ZNF521: variants seen among roughly 807,000 people sequenced by gnomAD.
ZNF521 encodes zinc finger protein 521, also known as LYST-interacting protein 3.
A neutral mutation model predicts 105.5 loss-of-function variants in ZNF521; 14 were observed. The ratio of observed to expected loss-of-function variants is 0.13; its 90% CI spans 0.09 to 0.21. The LOEUF (loss-of-function observed/expected upper bound fraction) is 0.21. Among genes scored for constraint, ZNF521 ranks in the 10% least tolerant of loss-of-function variants. The pLI, the probability that ZNF521 is intolerant of heterozygous loss-of-function variation, is 1.00. For missense variants in ZNF521, 1,233 were observed against 1,629.7 expected, an observed-to-expected ratio of 0.76 and a Z score of 4.19; for synonymous variants, 635 against 606.0, an observed-to-expected ratio of 1.05 and a Z score of -0.70.
intron 4 of ZNF521, among the ~76,000 whole-genome samples, chr18:25,206,369 A>G (rs936435906): frequency 2.0e-5 from 3 of 152,126 alleles, no homozygotes; most frequent in African/African-American, 7.2e-5. Flanking sequence ...TAATATGTAA[A>G]TGACTCATAC....
chr18:25,226,028 G>A lies in ZNF521; in HGVS notation c.1890C>T (p.Pro630=), dbSNP rs755855933. 5.6e-6 allele frequency: 9 copies of A among 1,614,182 alleles called. No individual in the cohort carries two copies. Among genetic ancestry groups the A allele is most frequent in the Admixed American group, 1.7e-5 (1 of 60,032 alleles). Residue 630 remains proline (P), a synonymous_variant, in exon 4 of 8, where the codon CCC becomes CCT. Coordinates refer to ENST00000361524, the MANE Select transcript of ZNF521 (RefSeq NM_015461.3). This position sits in a 1 kb window ranked among gnomAD's most constrained non-coding sequence, Gnocchi z 4.1. ...MQAVGGAPAR[P]TGEYICNQCG... ...ATTGATTACAGATATATTCTCCAGT[G>A]GGACGTGCAGGTGCACCTCCTACTG...
chr18:25,333,314 C>CTCTCTATATA (rs572058933), intron 2 of ZNF521, among the ~76,000 whole-genome samples: 5 of 145,716 alleles, frequency 3.4e-5, no homozygotes, highest in South Asian at 2.2e-4. Flanking sequence ...CTCTCTCTCT[C>CTCTCTATATA]TATATATATA....
At chr18:25,121,987 T>C (rs2034452768) in intron 5 of ZNF521, among the ~76,000 whole-genome samples, 1 of 151,690 alleles carries the variant, frequency 6.6e-6, no homozygotes, top group South Asian at 2.1e-4. Flanking sequence ...AAAAAATCAA[T>C]CAATATTAAC....
intron 3 of ZNF521, among the ~76,000 whole-genome samples, chr18:25,275,853 A>G (rs565148057): frequency 1.3e-5 from 2 of 152,278 alleles, no homozygotes; most frequent in South Asian, 4.1e-4. Context: ...CATGAGCACC[A>G]GCATACGCAG....
At chr18:25,178,050 T>C (rs762560805) in intron 5 of ZNF521, among the ~76,000 whole-genome samples, 3 of 152,206 alleles carry the variant, frequency 2.0e-5, no homozygotes, top group Non-Finnish European at 2.9e-5. Context: ...ATCTAATAAA[T>C]TATCTCTGTG....
chr18:25,222,924 T>G (rs1905830103), intron 4 of ZNF521, among the ~76,000 whole-genome samples: 1 of 152,128 alleles, frequency 6.6e-6, no homozygotes, highest in Non-Finnish European at 1.5e-5. Flanking sequence ...GTGGCTGAAG[T>G]TGATTTTAAA....
intron 7 of ZNF521, among the ~76,000 whole-genome samples, chr18:25,065,178 T>C (rs2033022436): frequency 6.6e-6 from 1 of 152,200 alleles, no homozygotes; most frequent in Non-Finnish European, 1.5e-5. Flanking sequence ...AGGTTTTTTA[T>C]TTTTAAAAAG....
intron 5 of ZNF521, among the ~76,000 whole-genome samples, chr18:25,095,042 G>C (rs979564556): frequency 1.1e-4 from 16 of 152,232 alleles, no homozygotes; most frequent in Admixed American, 9.8e-4. Flanking sequence ...ATGGCTGAGA[G>C]CCATGTCTGA....
intron 3 of ZNF521, among the ~76,000 whole-genome samples, chr18:25,278,496 G>A (rs543065471): frequency 2.4e-4 from 37 of 152,176 alleles, no homozygotes; most frequent in African/African-American, 7.2e-4. Flanking sequence ...CCCATGCCTC[G>A]AACAGCCGCC....
chr18:25,197,546 C>T (rs368226622), intron 4 of ZNF521, among the ~76,000 whole-genome samples: 1 of 151,810 alleles, frequency 6.6e-6, no homozygotes. Flanking sequence ...CACCTGTACA[C>T]CATCTTTAAG....
chr18:25,113,761 G>GACACACACACACACACACAC (rs10667710), intron 5 of ZNF521, among the ~76,000 whole-genome samples: 19 of 101,722 alleles, frequency 1.9e-4, no homozygotes, highest in South Asian at 4.8e-4. Flanking sequence ...AGGACGGACG[G>GACACACACACACACACACAC]ACACACACAC....
chr18:25,244,509 AG>A (rs1027594021), intron 3 of ZNF521, among the ~76,000 whole-genome samples: 42 of 152,326 alleles, frequency 2.8e-4, no homozygotes, highest in African/African-American at 9.9e-4. Context: ...TGCTATTCCC[AG>A]TGCTCAAGAA....
At chr18:25,221,649 T>C (rs1387199439) in intron 4 of ZNF521, among the ~76,000 whole-genome samples, 3 of 152,218 alleles carry the variant, frequency 2.0e-5, no homozygotes, top group Non-Finnish European at 2.9e-5. Flanking sequence ...TCAATAGACA[T>C]ATATGTCACA....
chr18:25,081,464 T>C (rs1437959895), intron 7 of ZNF521, among the ~76,000 whole-genome samples: 2 of 152,180 alleles, frequency 1.3e-5, no homozygotes, highest in Non-Finnish European at 2.9e-5. Context: ...TTCAGCTTAT[T>C]GCAATTACCT....
intron 3 of ZNF521, among the ~76,000 whole-genome samples, chr18:25,264,334 T>C (rs1490443913): frequency 6.6e-6 from 1 of 152,232 alleles, no homozygotes; most frequent in African/African-American, 2.4e-5. Context: ...GATATATTTT[T>C]GTCATTAACA....
chr18:25,298,402 G>T (rs1911443385), intron 3 of ZNF521, among the ~76,000 whole-genome samples: 2 of 152,062 alleles, frequency 1.3e-5, no homozygotes, highest in African/African-American at 4.8e-5. Flanking sequence ...TTAGACTTTA[G>T]GCTCCTTAGG....
At chr18:25,135,206 G>T (rs1342068999) in intron 5 of ZNF521, among the ~76,000 whole-genome samples, 1 of 151,908 alleles carries the variant, frequency 6.6e-6, no homozygotes, top group African/African-American at 2.4e-5. Context: ...GAGGGGGAAA[G>T]AAAAGAGAAA....
intron 5 of ZNF521, among the ~76,000 whole-genome samples, chr18:25,142,663 C>A (rs771516080): frequency 6.6e-6 from 1 of 151,928 alleles, no homozygotes; most frequent in Non-Finnish European, 1.5e-5. Context: ...AAAACTAGAG[C>A]CAGCTCACTA....
At chr18:25,239,619 A>G (rs1230646815) in intron 3 of ZNF521, among the ~76,000 whole-genome samples, 1 of 152,194 alleles carries the variant, frequency 6.6e-6, no homozygotes, top group Non-Finnish European at 1.5e-5. Flanking sequence ...CCACTCAGGG[A>G]GGCGATGCTA....
Sources: gnomAD v4.1 joint callset for allele counts (sites outside exome capture counted in the v4.1 genomes callset) on GRCh38, gnomAD v4.1.1 for gene constraint, Gnocchi (gnomAD v3.1) non-coding constraint, MANE v1.5 for transcripts, NCBI Gene and HGNC (gene_info 2026-07-23, HGNC 2026-07-21) for gene names.